The following GRAMD1B variants were observed in gnomAD, a reference collection of about 807,000 sequenced individuals.
GRAMD1B encodes protein Aster-B.
A neutral mutation model predicts 99.7 loss-of-function variants in GRAMD1B; 37 were observed. That is an observed-to-expected ratio of 0.37 (90% confidence interval 0.29 to 0.49). The LOEUF is 0.49. GRAMD1B is among the 20% of genes least tolerant of loss of function. GRAMD1B has a pLI of 0.98. For synonymous variants in GRAMD1B, 427 were observed against 387.6 expected (o/e 1.10, Z -1.19); for missense variants, 888 against 1,009.2 (o/e 0.88, Z 1.63).
intron 2 of GRAMD1B, among the ~76,000 whole-genome samples, chr11:123,564,324 C>A (rs1277094760): frequency 1.3e-5 from 2 of 152,216 alleles, no homozygotes; most frequent in Non-Finnish European, 2.9e-5. Flanking sequence ...TGCTACTGCT[C>A]TCAGTACTTC....
At chr11:123,439,185 T>G (rs899549880) in intron 1 of GRAMD1B, among the ~76,000 whole-genome samples, 1 of 152,198 alleles carries the variant, frequency 6.6e-6, no homozygotes. Context: ...GGAAGTGTCC[T>G]CTCAGAGGAG....
intron 2 of GRAMD1B, among the ~76,000 whole-genome samples, chr11:123,505,826 CT>C (rs963939980): frequency 2.0e-5 from 3 of 152,132 alleles, no homozygotes; most frequent in African/African-American, 7.2e-5. Flanking sequence ...CTCTTTCACT[CT>C]CTCTCTCTTT....
chr11:123,408,911 C>T (rs1179726307), intron 1 of GRAMD1B, among the ~76,000 whole-genome samples: 2 of 148,992 alleles, frequency 1.3e-5, no homozygotes, highest in African/African-American at 5.2e-5. Flanking sequence ...CTTCTACCCT[C>T]CAGATAAAGT....
At chr11:123,555,512 C>A (rs1946094431) in intron 2 of GRAMD1B, among the ~76,000 whole-genome samples, 2 of 152,022 alleles carry the variant, frequency 1.3e-5, no homozygotes, top group East Asian at 1.9e-4. Context: ...CCACACCTGG[C>A]TAATTTTTTG....
At chr11:123,486,210 A>G (rs1311699714) in intron 2 of GRAMD1B, among the ~76,000 whole-genome samples, 1 of 152,116 alleles carries the variant, frequency 6.6e-6, no homozygotes. Context: ...ATAACATTTT[A>G]CTCTCAGTTT....
intron 2 of GRAMD1B, among the ~76,000 whole-genome samples, chr11:123,495,807 T>G (rs1336327565): frequency 6.6e-6 from 1 of 152,136 alleles, no homozygotes; most frequent in Non-Finnish European, 1.5e-5. Context: ...GATGACAGCT[T>G]AACACTGATT....
At chr11:123,426,399 C>T (rs935811196), upstream of GRAMD1B, among the ~76,000 whole-genome samples, 5 of 152,220 alleles carry the variant, frequency 3.3e-5, no homozygotes, top group African/African-American at 1.2e-4. Context: ...AATGCATTTC[C>T]TCTTGCTCAG....
chr11:123,400,522 C>A (rs1266590879), intron 1 of GRAMD1B, among the ~76,000 whole-genome samples: 1 of 152,038 alleles, frequency 6.6e-6, no homozygotes, highest in Non-Finnish European at 1.5e-5. Flanking sequence ...TTCTCATAGT[C>A]CTGAAGGCTG....
intron 1 of GRAMD1B, among the ~76,000 whole-genome samples, chr11:123,462,123 T>C (rs753945919): frequency 7.9e-5 from 12 of 151,904 alleles, no homozygotes; most frequent in South Asian, 2.1e-4. Flanking sequence ...CCCGCCACCA[T>C]GCCTGGCCAA....
intron 1 of GRAMD1B, among the ~76,000 whole-genome samples, chr11:123,440,047 A>G (rs1404607196): frequency 1.3e-5 from 2 of 152,154 alleles, no homozygotes. Flanking sequence ...CCCTTGCAAT[A>G]TTTGCCTCAG....
intron 1 of GRAMD1B, among the ~76,000 whole-genome samples, chr11:123,398,289 G>A (rs957927983): frequency 2.0e-5 from 3 of 152,174 alleles, no homozygotes; most frequent in Non-Finnish European, 4.4e-5. Context: ...AGAAGGCACT[G>A]GTGAGGGCCT....
intron 2 of GRAMD1B, among the ~76,000 whole-genome samples, chr11:123,558,067 T>C (rs1946344034): frequency 7.0e-6 from 1 of 143,430 alleles, no homozygotes; most frequent in Non-Finnish European, 1.5e-5. Flanking sequence ...CACAGCAACC[T>C]CTGCCTCCTA....
chr11:123,619,262 G>T lies in GRAMD1B; in HGVS notation c.2544+38G>T, dbSNP rs1000774679. ...ACCTTCTCTGCTTGCCCTGGTCTTT[G>T]GGAGCGGGGACTCCTTCCCTTATGC... On this transcript the variant is annotated intron_variant, in intron 19 of 19. Transcript: ENST00000635736. 4.5e-6 allele frequency: 7 copies of T among 1,548,332 alleles called. No individual in the cohort carries two copies. The Admixed American group carries it at 9.8e-5, about 22-fold the overall frequency.
At chr11:123,598,412 G>A (rs1398204160) in intron 7 of GRAMD1B, 17 of 941,080 alleles carry the variant, frequency 1.8e-5, no homozygotes, top group East Asian at 9.6e-5. Flanking sequence ...TTGCTTGCTC[G>A]CGTTGTACAT....
intron 1 of GRAMD1B, among the ~76,000 whole-genome samples, chr11:123,363,107 G>GT (rs1382891545): frequency 1.3e-5 from 2 of 152,066 alleles, no homozygotes; most frequent in East Asian, 1.9e-4. Context: ...TTGCTTTCAG[G>GT]TTTTTTCTCT....
chr11:123,453,514 G>T (rs897899077), intron 1 of GRAMD1B, among the ~76,000 whole-genome samples: 1 of 151,874 alleles, frequency 6.6e-6, no homozygotes, highest in African/African-American at 2.4e-5. Context: ...ACGGGGTTTC[G>T]CCATGTTGGG....
Position 123,547,752 on chromosome 11 carries a change from A to G in GRAMD1B, c.453-29615A>G, listed in dbSNP as rs189217592. Among the ~76,000 whole-genome samples, 210 of 152,314 alleles carry G rather than the reference A, an allele frequency of 1.4e-3. 1 individual carries two copies. Among genetic ancestry groups the G allele is most frequent in the African/African-American group, 4.9e-3 (204 of 41,576 alleles). The stretch of plus-strand genomic sequence containing the variant: ...CACTGTCTTTATTTATCTTTGAACA[A>G]TAGGCCTTGCCGAGTATGATGCTTT... On this transcript the variant is annotated intron_variant, in intron 2 of 19. Coordinates refer to ENST00000635736, the MANE Select transcript of GRAMD1B (RefSeq NM_001387025.1).
chr11:123,618,734 A>G lies in GRAMD1B; in HGVS notation c.2360A>G (p.Lys787Arg), dbSNP rs770234763. Residue 787 changes from lysine to arginine, a missense_variant, in exon 18 of 20, where the codon AAA (lysine) becomes AGA (arginine). Physicochemically the swap from Lys to Arg is conservative, Grantham distance 26. Transcript: ENST00000635736. ...ATCCTTAACATGATGCTCTTCTACA[A>G]ACTCTGGATGTTGGAATACACCACG... ...LVILNMMLFY[K>R]LWMLEYTTQT... 6.3e-7 allele frequency: 1 copy of G among 1,590,000 alleles called. No individual in the cohort carries two copies. Among genetic ancestry groups the G allele is most frequent in the Non-Finnish European group, 8.6e-7 (1 of 1,167,492 alleles).
intron 1 of GRAMD1B, among the ~76,000 whole-genome samples, chr11:123,362,261 A>G (rs1946169584): frequency 6.6e-6 from 1 of 152,248 alleles, no homozygotes; most frequent in African/African-American, 2.4e-5. Flanking sequence ...TGTTGGTTTC[A>G]TCAGCCATTC....
Sources: allele counts gnomAD v4.1 joint callset (sites outside exome capture counted in the v4.1 genomes callset), GRCh38; gene constraint gnomAD v4.1.1; transcripts MANE v1.5; gene names NCBI Gene and HGNC (gene_info 2026-07-23, HGNC 2026-07-21).